Variants in YME1L1 observed in about 807,000 individuals in gnomAD.
The protein encoded by YME1L1 is YME1 like 1 ATPase.
YME1L1 carries 39 observed loss-of-function variants against 90.4 expected under a neutral mutation model. That is an observed-to-expected ratio of 0.43 (90% CI 0.33 to 0.56). The LOEUF is 0.56. Ranked by LOEUF, YME1L1 falls within the 20% of genes least tolerant of loss-of-function variation. YME1L1 has a pLI of 0.03. For synonymous variants in YME1L1, 284 were observed against 287.3 expected, an observed-to-expected ratio of 0.99 and a Z score of 0.12; for missense variants, 617 against 868.4, an observed-to-expected ratio of 0.71 and a Z score of 3.64.
chr10:27,122,521 T>A (rs1210728886), intron 11 of YME1L1, among the ~76,000 whole-genome samples: 1 of 152,200 alleles, frequency 6.6e-6, no homozygotes, highest in Admixed American at 6.5e-5. Context: ...TTTCTTCAAA[T>A]AGACTACTAG....
intron 17 of YME1L1, among the ~76,000 whole-genome samples, chr10:27,115,083 T>G (rs1345047634): frequency 1.3e-5 from 2 of 151,336 alleles, no homozygotes; most frequent in Non-Finnish European, 2.9e-5. Flanking sequence ...CACATTCTTC[T>G]GAAAGTATAA....
rs1363446398 is a variant in YME1L1 at position 27,154,239 on chromosome 10, G to A, written c.-29C>T. On this transcript the variant is annotated 5_prime_UTR_variant, in exon 1 of 19. Transcript: ENST00000376016. The stretch of plus-strand genomic sequence containing the variant: ...CGGCGGGCCCTCAGCGACCTCACCC[G>A]CCTGCCGAAACTGTGCCCCTCTGTC... The A allele has an allele frequency of 1.3e-6, 2 of 1,581,350 alleles. No homozygotes were observed. The highest frequency in any genetic ancestry group is 1.8e-5 in the Admixed American group (1 of 55,506).
At chr10:27,133,973 G>T in intron 7 of YME1L1, 66 bp downstream of exon 7, 2 of 1,075,386 alleles carry the variant, frequency 1.9e-6, no homozygotes, top group Non-Finnish European at 2.8e-6. Flanking sequence ...GTTAGATTAG[G>T]CATTAAAAGG....
intron 1 of YME1L1, among the ~76,000 whole-genome samples, chr10:27,150,501 G>A (rs1454572760): frequency 6.6e-6 from 1 of 152,178 alleles, no homozygotes; most frequent in Non-Finnish European, 1.5e-5. Flanking sequence ...GTGGGCACAA[G>A]ATACAGGTCA....
At chr10:27,113,219 C>CAAAAAAAAAAAAAAAAAAA (rs869122796) in intron 18 of YME1L1, among the ~76,000 whole-genome samples, 1 of 43,088 alleles carries the variant, frequency 2.3e-5, no homozygotes, top group African/African-American at 8.3e-5. Context: ...GATGCTGTCT[C>CAAAAAAAAAAAAAAAAAAA]AAAAAAAAAA....
At chr10:27,152,399 C>T (rs1289301745) in intron 1 of YME1L1, among the ~76,000 whole-genome samples, 1 of 152,188 alleles carries the variant, frequency 6.6e-6, no homozygotes, top group Non-Finnish European at 1.5e-5. Flanking sequence ...GTGTTACCAT[C>T]CTTCAAAGCA....
At chr10:27,143,840 C>T (rs555008030) in intron 3 of YME1L1, among the ~76,000 whole-genome samples, 1 of 152,136 alleles carries the variant, frequency 6.6e-6, no homozygotes, top group South Asian at 2.1e-4. Flanking sequence ...ATCATAGCTA[C>T]TATTATCTTT....
chr10:27,145,441 A>G lies in YME1L1; in HGVS notation c.318T>C (p.Phe106=), dbSNP rs1242574260. 1 of 1,604,700 alleles carries G rather than the reference A, an allele frequency of 6.2e-7. No individual in the cohort carries two copies. Among genetic ancestry groups the G allele is most frequent in the Non-Finnish European group, 8.5e-7 (1 of 1,174,906 alleles). ...ACATTAACATACCATATTTATTTTC[A>G]AAGAAGGATTGTGCAGAGACATGGG... ...HTSHVSAQSF[F]ENKYGNLDIF... The change falls in exon 3 of 19, where the codon TTT becomes TTC. Residue 106 remains phenylalanine, a synonymous_variant. Coordinates refer to ENST00000376016, the MANE Select transcript of YME1L1 (RefSeq NM_014263.4).
At chr10:27,115,944 A>G (rs560554568) in intron 17 of YME1L1, 116 bp downstream of exon 17, 1 of 928,250 alleles carries the variant, frequency 1.1e-6, no homozygotes, top group East Asian at 2.4e-5. Context: ...AAGAGCCTCA[A>G]ATCCATTTGG....
Position 27,142,456 on chromosome 10 carries a change from A to G in YME1L1, c.361T>C (p.Ser121Pro). 1 of 1,524,082 alleles carries G rather than the reference A, an allele frequency of 6.6e-7. No homozygotes were observed. The highest frequency in any genetic ancestry group is 8.8e-7 in the Non-Finnish European group (1 of 1,135,668). 94.4% of individuals were successfully genotyped at this position (1,524,082 alleles called of 1,614,324 possible). A position where few individuals can be genotyped will look rare whatever the true frequency, so the allele number is the denominator to read the frequency against. ...GNLDIFSTLR[S>P]SCLYRHHSRA... ...GAATGATGTCGATACAAGCAAGAGG[A>G]ACGTAATGTACTAAATATATCTAAG... is the stretch of plus-strand genomic sequence containing the variant. Residue 121 changes from serine (S) to proline (P), a missense_variant, in exon 4 of 19, where the codon TCC (serine) becomes CCC (proline). By Grantham distance (74) the Ser-to-Pro change is moderately conservative. Coordinates refer to ENST00000376016, the MANE Select transcript of YME1L1 (RefSeq NM_014263.4).
intron 13 of YME1L1, 27 bp downstream of exon 13, chr10:27,120,408 A>G (rs758393152): frequency 1.8e-5 from 28 of 1,547,002 alleles, no homozygotes; most frequent in Middle Eastern, 1.7e-4. Context: ...CTTTACAGAA[A>G]TGACAAATGT....
intron 1 of YME1L1, among the ~76,000 whole-genome samples, chr10:27,149,708 T>A (rs2057187322): frequency 1.5e-5 from 1 of 67,906 alleles, no homozygotes; most frequent in Non-Finnish European, 2.4e-5. Context: ...GAGACCTGTC[T>A]CTCAAAAAAA....
intron 10 of YME1L1, 102 bp from the exon 11 acceptor site, chr10:27,123,075 A>G: frequency 2.2e-6 from 3 of 1,391,512 alleles, no homozygotes; most frequent in Non-Finnish European, 2.9e-6. Flanking sequence ...AAAGCCAACA[A>G]AAAATATTCA....
At chr10:27,121,350 A>G in intron 12 of YME1L1, 36 bp downstream of exon 12, 1 of 1,453,214 alleles carries the variant, frequency 6.9e-7, no homozygotes. Flanking sequence ...TGTAGCATGT[A>G]ACAGTACTTC....
intron 4 of YME1L1, among the ~76,000 whole-genome samples, chr10:27,141,951 T>C (rs1043926280): frequency 2.0e-5 from 3 of 152,246 alleles, no homozygotes; most frequent in South Asian, 4.1e-4. Flanking sequence ...TATGAATAAA[T>C]GCAAATTTGA....
chr10:27,113,374 A>G (rs1354247813), intron 18 of YME1L1, among the ~76,000 whole-genome samples: 3 of 151,230 alleles, frequency 2.0e-5, no homozygotes, highest in Admixed American at 6.6e-5. Flanking sequence ...TTCAACATAC[A>G]TAATACTGAA....
Position 27,110,674 on chromosome 10 carries a change from G to C in YME1L1, c.*1303C>G, listed in dbSNP as rs992806897. On this transcript the variant is annotated 3_prime_UTR_variant, in exon 19 of 19. Transcript: ENST00000376016. ...CACAAAGTTCACTTCGGAGGGGACT[G>C]AGATTTTTGTTTAATTTTGCTTTTG... The C allele has an allele frequency of 1.3e-5, 2 of 152,134 alleles. No homozygotes were observed. The highest frequency in any genetic ancestry group is 2.9e-5 in the Non-Finnish European group (2 of 68,024). 9.4% of individuals were successfully genotyped at this position (152,134 alleles called of 1,614,324 possible). A position where few individuals can be genotyped will look rare whatever the true frequency, so the allele number is the denominator to read the frequency against.
At chr10:27,130,274 C>A (rs12255977) in intron 8 of YME1L1, among the ~76,000 whole-genome samples, 34,058 of 152,112 alleles carry the variant, frequency 0.22, 4,104 homozygotes, top group East Asian at 0.41. Context: ...ATCTTGGTTC[C>A]TGGCTTCTCT....
intron 18 of YME1L1, among the ~76,000 whole-genome samples, chr10:27,113,825 T>TAA (rs71523555): frequency 2.7e-5 from 4 of 146,550 alleles, no homozygotes; most frequent in South Asian, 2.1e-4. Context: ...CCCATCCCCT[T>TAA]AAAAAAAAAA....
Sources: allele counts gnomAD v4.1 joint callset (sites outside exome capture counted in the v4.1 genomes callset), GRCh38; gene constraint gnomAD v4.1.1; transcripts MANE v1.5; gene names NCBI Gene and HGNC (gene_info 2026-07-23, HGNC 2026-07-21).